SASH1: variants seen among roughly 807,000 people sequenced by gnomAD.
SASH1 encodes SAM and SH3 domain-containing protein 1.
Under a neutral mutation model 125.2 loss-of-function variants are expected in SASH1, and 44 were observed. The observed-to-expected ratio is 0.35, with a 90% confidence interval of 0.28 to 0.45. The LOEUF is 0.45. SASH1 is among the 20% of genes least tolerant of loss of function. The pLI, the probability that SASH1 is intolerant of heterozygous loss-of-function variation, is 1.00. For missense variants in SASH1, 1,426 were observed against 1,614.5 expected (o/e 0.88, Z 2.00); for synonymous variants, 639 against 649.1 (o/e 0.98, Z 0.24).
At position 148,429,520 on chromosome 6, in the gene SASH1, G is replaced by A. The variant is rs541931489; in HGVS notation, c.286-10664G>A. On this transcript the variant is annotated intron_variant, in intron 2 of 19. Coordinates refer to ENST00000367467, the MANE Select transcript of SASH1 (RefSeq NM_015278.5). ...AATCCCATCATTTTGGGAGGCTGAG[G>A]TGGGAGGTTTGCTTGAGGCCAGGAG... Among the ~76,000 whole-genome samples, 5 of 152,114 alleles carry A rather than the reference G, an allele frequency of 3.3e-5. No homozygotes were observed. In the East Asian group the frequency reaches 9.7e-4, roughly 29 times the overall value.
At chr6:148,475,309 C>A (rs1466304353) in intron 7 of SASH1, among the ~76,000 whole-genome samples, 1 of 152,188 alleles carries the variant, frequency 6.6e-6, no homozygotes, top group Non-Finnish European at 1.5e-5. Context: ...CTGGGTAATT[C>A]ATCAAGAACA....
chr6:148,395,975 G>A (rs1437899050), intron 2 of SASH1, among the ~76,000 whole-genome samples: 1 of 152,126 alleles, frequency 6.6e-6, no homozygotes, highest in Non-Finnish European at 1.5e-5. Flanking sequence ...GTGGCACGGA[G>A]CTGACAGAGA....
At position 148,380,002 on chromosome 6, in the gene SASH1, T is replaced by C. The variant is rs1454248676; in HGVS notation, c.157-10132T>C. 6.6e-6 allele frequency: 3 copies of C among 455,664 alleles called. No individual in the cohort carries two copies. The Admixed American group carries it at 7.1e-5, about 11-fold the overall frequency. The allele number at this position is 455,664 out of a possible 1,614,324, so 28.2% of individuals were successfully genotyped here. ...CGTAGGTGCCACACAAAGAGTATTT[T>C]TCAGTTGTTACCTGTCAGTTCTTAA... On this transcript the variant is annotated intron_variant, in intron 1 of 19. Coordinates refer to ENST00000367467, the MANE Select transcript of SASH1 (RefSeq NM_015278.5).
chr6:148,378,355 C>T (rs1782994188), intron 1 of SASH1, among the ~76,000 whole-genome samples: 1 of 143,750 alleles, frequency 7.0e-6, no homozygotes, highest in Admixed American at 7.0e-5. Context: ...AGCCCGGCCA[C>T]AATTTTTTTT....
At chr6:148,506,994 G>A (rs918419951) in intron 8 of SASH1, among the ~76,000 whole-genome samples, 4 of 152,124 alleles carry the variant, frequency 2.6e-5, no homozygotes, top group African/African-American at 9.7e-5. Context: ...TACAAGTGTT[G>A]GAAGTACAAC....
chr6:148,397,566 T>C (rs1371515764), intron 2 of SASH1, among the ~76,000 whole-genome samples: 1 of 152,154 alleles, frequency 6.6e-6, no homozygotes, highest in Non-Finnish European at 1.5e-5. Flanking sequence ...CAAATAAATA[T>C]ACCCACGTCA....
chr6:148,488,529 T>C (rs1778971378), intron 8 of SASH1, among the ~76,000 whole-genome samples: 1 of 152,260 alleles, frequency 6.6e-6, no homozygotes, highest in Non-Finnish European at 1.5e-5. Flanking sequence ...GTAGAATTTC[T>C]GGATCATGTA....
intron 7 of SASH1, among the ~76,000 whole-genome samples, chr6:148,478,330 A>G (rs552911386): frequency 6.6e-6 from 1 of 152,354 alleles, no homozygotes; most frequent in African/African-American, 2.4e-5. Context: ...TACACGGTGG[A>G]ACACTACCCA....
the SASH1 span, among the ~76,000 whole-genome samples, chr6:148,201,799 G>C: frequency 6.6e-6 from 1 of 152,078 alleles, no homozygotes; most frequent in Admixed American, 6.6e-5. Flanking sequence ...AGATGGAGTG[G>C]GTCCTGCCAG....
chr6:148,434,382 C>T (rs529532743), intron 2 of SASH1, among the ~76,000 whole-genome samples: 2 of 152,038 alleles, frequency 1.3e-5, no homozygotes, highest in South Asian at 2.1e-4. Flanking sequence ...GCCTGGAGAT[C>T]GTATTTTTAA....
chr6:148,370,107 G>T (rs1434154272), intron 1 of SASH1, among the ~76,000 whole-genome samples: 1 of 152,036 alleles, frequency 6.6e-6, no homozygotes, highest in Non-Finnish European at 1.5e-5. Context: ...TAAGTGGAAG[G>T]CAGAGGTGAG....
chr6:148,514,081 C>T (rs1419202727), intron 8 of SASH1: 3 of 1,224,836 alleles, frequency 2.4e-6, no homozygotes, highest in Middle Eastern at 3.3e-4. Context: ...AGGCCACTTG[C>T]CCCCACTTGC....
At chr6:148,405,783 C>T (rs1336575849) in intron 2 of SASH1, among the ~76,000 whole-genome samples, 1 of 152,188 alleles carries the variant, frequency 6.6e-6, no homozygotes, top group African/African-American at 2.4e-5. Context: ...ACTCCATTTT[C>T]CCATAGAAAC....
rs576217433 is a variant in SASH1 at position 148,487,733 on chromosome 6, T to C, written c.729+18T>C. 7.3e-5 allele frequency: 112 copies of C among 1,536,234 alleles called. 4 individuals carry two copies. The South Asian group carries it at 1.2e-3, about 16-fold the overall frequency. ...ACTGCAATGTGAGTTTATCATGTCTTTGACATCTTGATCACCTACGCCGAT... is the reference window on the plus strand; with the variant it reads ...ACTGCAATGTGAGTTTATCATGTCTCTGACATCTTGATCACCTACGCCGAT... On this transcript the variant is annotated intron_variant, in intron 8 of 19. Transcript: ENST00000367467.
rs1229802359 is a variant in SASH1 at position 148,363,298 on chromosome 6, A to AT, written c.156+20083dup. ...GACGGAGTGATTGAGGCTCTTCTTT[A>AT]TTTTTTTTATTTATTTATTTTTTTG... On this transcript the variant is annotated intron_variant, in intron 1 of 19. Transcript: ENST00000367467. Among the ~76,000 whole-genome samples, 6 of 151,520 alleles carry AT rather than the reference A, an allele frequency of 4.0e-5. No individual in the cohort carries two copies. In the Middle Eastern group the frequency reaches 0.014, roughly 344 times the overall value.
intron 8 of SASH1, among the ~76,000 whole-genome samples, chr6:148,493,486 A>G (rs1779193812): frequency 6.6e-6 from 1 of 152,222 alleles, no homozygotes; most frequent in South Asian, 2.1e-4. Flanking sequence ...CCTTTCTAGA[A>G]TACAGAGATG....
rs531228777 is a variant in SASH1, at chr6:148,388,008, C to T, written c.157-2126C>T. Among the ~76,000 whole-genome samples the T allele has an allele frequency of 1.3e-4, 19 of 150,012 alleles. No homozygotes were observed. The South Asian group carries it at 2.3e-3, about 19-fold the overall frequency. ...CTGGCTCACCGCAACCTCTGACTCC[C>T]GGGTTCAAGTGATTCTCCTGCCTCA... On this transcript the variant is annotated intron_variant, in intron 1 of 19. Coordinates refer to ENST00000367467, the MANE Select transcript of SASH1 (RefSeq NM_015278.5).
At position 148,520,149 on chromosome 6, in the gene SASH1, G is replaced by A. The variant is rs1780722933; in HGVS notation, c.1209+256G>A. On this transcript the variant is annotated intron_variant, in intron 10 of 19. Transcript: ENST00000367467. ...CGGCTTCCCCGGCAGGAGGGTGCGC[G>A]GGCGCACCTCGGTCAGCGAGTTCAA... is the stretch of plus-strand genomic sequence containing the variant. The A allele has an allele frequency of 5.2e-5, 25 of 479,912 alleles. No individual in the cohort carries two copies. In the South Asian group the frequency reaches 6.4e-4, roughly 12 times the overall value. The allele number at this position is 479,912 out of a possible 1,614,324, so 29.7% of individuals were successfully genotyped here.
At chr6:148,387,512 TTTCC>T (rs1554249243) in intron 1 of SASH1, among the ~76,000 whole-genome samples, 1 of 143,786 alleles carries the variant, frequency 7.0e-6, no homozygotes, top group Admixed American at 6.9e-5. Context: ...TCTCTTTCTT[TTTCC>T]TTCTTTCTTT....
Sources: allele counts gnomAD v4.1 joint callset (sites outside exome capture counted in the v4.1 genomes callset), GRCh38; gene constraint gnomAD v4.1.1; transcripts MANE v1.5; gene names NCBI Gene and HGNC (gene_info 2026-07-23, HGNC 2026-07-21).